The following ANXA2 variants were observed in gnomAD, a reference collection of about 807,000 sequenced individuals.
The protein encoded by ANXA2 is annexin A2.
ANXA2 carries 28 observed loss-of-function variants against 47.3 expected under a neutral mutation model. That is an observed-to-expected ratio of 0.59 (90% CI 0.44 to 0.81). The LOEUF (loss-of-function observed/expected upper bound fraction) is 0.81. Ranked by LOEUF, ANXA2 falls within the 40% of genes least tolerant of loss-of-function variation. The probability of loss-of-function intolerance (pLI) is 0.00; values close to 1 mark genes in which losing one functional copy is unlikely to be tolerated. For synonymous variants in ANXA2, 172 were observed against 155.5 expected (o/e 1.11, Z -0.79); for missense variants, 384 against 414.3 (o/e 0.93, Z 0.64).
At chr15:60,364,654 A>G in intron 3 of ANXA2, 131 bp from the exon 4 acceptor site, 1 of 624,824 alleles carries the variant, frequency 1.6e-6, no homozygotes, top group Admixed American at 3.5e-5. Flanking sequence ...CCCAGACACC[A>G]AGATTTGTTC....
chr15:60,350,361 A>AGCCTG (rs1349768655), intron 11 of ANXA2, among the ~76,000 whole-genome samples: 11 of 152,114 alleles, frequency 7.2e-5, no homozygotes, highest in Admixed American at 5.2e-4. Context: ...TCCATATGTA[A>AGCCTG]CAAGAGGTTC....
intron 3 of ANXA2, among the ~76,000 whole-genome samples, chr15:60,382,023 G>C (rs1274403987): frequency 8.7e-6 from 1 of 114,572 alleles, no homozygotes; most frequent in African/African-American, 3.3e-5. Flanking sequence ...GGAAAGAATG[G>C]AAGGGAGGGA....
chr15:60,375,417 T>A (rs1354513722), intron 3 of ANXA2, among the ~76,000 whole-genome samples: 1 of 152,194 alleles, frequency 6.6e-6, no homozygotes, highest in Non-Finnish European at 1.5e-5. Flanking sequence ...TACAGTCTAT[T>A]TTCTGGAGTC....
chr15:60,387,433 A>G (rs2062948544), intron 1 of ANXA2, among the ~76,000 whole-genome samples: 1 of 152,378 alleles, frequency 6.6e-6, no homozygotes, highest in South Asian at 2.1e-4. Context: ...AAACTGTGGT[A>G]CATTCAGACA....
In ANXA2 at chr15:60,359,983, G is replaced by A. The variant is rs371697573; in HGVS notation, c.357+958C>T. On this transcript the variant is annotated intron_variant, in intron 5 of 12. Transcript: ENST00000451270. The stretch of plus-strand genomic sequence containing the variant: ...ATATAAAACTTGATGTTGGCCAGGC[G>A]CGGTGGCTCACGCCTGTAATCCTAG... Among the ~76,000 whole-genome samples the A allele has an allele frequency of 4.6e-5, 7 of 152,322 alleles. No homozygotes were observed. In the East Asian group the frequency reaches 1.2e-3, roughly 25 times the overall value.
chr15:60,376,236 G>T (rs1215387407), intron 3 of ANXA2, among the ~76,000 whole-genome samples: 1 of 152,118 alleles, frequency 6.6e-6, no homozygotes, highest in Non-Finnish European at 1.5e-5. Flanking sequence ...AAAAAAATTA[G>T]CCGGGCATGG....
chr15:60,371,933 C>T (rs554656094), intron 3 of ANXA2, among the ~76,000 whole-genome samples: 22 of 152,228 alleles, frequency 1.4e-4, no homozygotes, highest in South Asian at 1.2e-3. Flanking sequence ...GGGCGGACCA[C>T]GAGGTCAGGA....
rs563200578 is a variant in ANXA2 at position 60,369,258 on chromosome 15, G to A, written c.149-4735C>T. ...AAAGTGGACGTGTGCCTGGGCTGCT[G>A]TGCATTCATGCCTACCCACACATGC... On this transcript the variant is annotated intron_variant, in intron 3 of 12. Coordinates refer to ENST00000451270, the MANE Select transcript of ANXA2 (RefSeq NM_004039.3). 3.9e-5 allele frequency among the ~76,000 whole-genome samples: 6 copies of A among 152,346 alleles called. No homozygotes were observed. The East Asian group carries it at 7.7e-4, about 20-fold the overall frequency.
At position 60,351,781 on chromosome 15, in the gene ANXA2, A is replaced by G. The variant is rs1299447504; in HGVS notation, c.721T>C (p.Leu241=). 1 of 1,613,790 alleles carries G rather than the reference A, an allele frequency of 6.2e-7. No individual in the cohort carries two copies. Among genetic ancestry groups the G allele is most frequent in the Non-Finnish European group, 8.5e-7 (1 of 1,179,790 alleles). Residue 241 remains leucine, a synonymous_variant, in exon 10 of 13, where the codon TTG becomes CTG. Coordinates refer to ENST00000451270, the MANE Select transcript of ANXA2 (RefSeq NM_004039.3). ...TTAACCTCTTTCCTGATGCTTTCCA[A>G]CATGTCATAAGGGCTGTAACTCTTG... ...RYKSYSPYDM[L]ESIRKEVKGD...
At chr15:60,395,746 C>T (rs2063073055) in intron 1 of ANXA2, 1 of 152,206 alleles carries the variant, frequency 6.6e-6, no homozygotes, top group East Asian at 1.9e-4. Context: ...AGTGAGTCAG[C>T]AATATTTCCT....
At chr15:60,385,252 C>A (rs990678334) in intron 2 of ANXA2, among the ~76,000 whole-genome samples, 1 of 152,072 alleles carries the variant, frequency 6.6e-6, no homozygotes, top group African/African-American at 2.4e-5. Flanking sequence ...AAAATATTTT[C>A]CAGGTGTGAA....
At chr15:60,380,984 G>A (rs1199517077) in intron 3 of ANXA2, among the ~76,000 whole-genome samples, 2 of 151,924 alleles carry the variant, frequency 1.3e-5, no homozygotes, top group Non-Finnish European at 2.9e-5. Flanking sequence ...ACCATAGAAC[G>A]TTAAGCGGGT....
intron 1 of ANXA2, among the ~76,000 whole-genome samples, chr15:60,391,732 TACTC>T (rs1364515555): frequency 3.3e-5 from 5 of 152,200 alleles, no homozygotes; most frequent in Non-Finnish European, 7.3e-5. Flanking sequence ...ATTTCACCTC[TACTC>T]ACTCCTCATC....
chr15:60,357,254 C>A lies in ANXA2; in HGVS notation c.358-18G>T. 1 of 1,605,260 alleles carries A rather than the reference C, an allele frequency of 6.2e-7. No homozygotes were observed. On this transcript the variant is annotated intron_variant, in intron 5 of 12. Transcript: ENST00000451270. ...CCCAGCCCCTGTGAACCAGGAAGCA[C>A]GAACATCAGCAGGGAAATGCTTCCC...
At chr15:60,360,398 A>T (rs2062495875) in intron 5 of ANXA2, among the ~76,000 whole-genome samples, 1 of 152,246 alleles carries the variant, frequency 6.6e-6, no homozygotes. Context: ...CATAAAAGAT[A>T]ACGTGCATTG....
chr15:60,389,906 G>T (rs2062984829), intron 1 of ANXA2, among the ~76,000 whole-genome samples: 1 of 152,008 alleles, frequency 6.6e-6, no homozygotes, highest in African/African-American at 2.4e-5. Flanking sequence ...CACTGCCAGG[G>T]CACTTTTTGA....
intron 1 of ANXA2, among the ~76,000 whole-genome samples, chr15:60,391,751 T>C (rs1474345825): frequency 6.6e-6 from 1 of 152,182 alleles, no homozygotes; most frequent in Admixed American, 6.5e-5. Context: ...CTCATCACCG[T>C]ATAAAACTCA....
intron 1 of ANXA2, chr15:60,390,383 C>T (rs2062992508): frequency 1.4e-6 from 1 of 705,454 alleles, no homozygotes; most frequent in Non-Finnish European, 2.2e-6. Flanking sequence ...GGTGAACATT[C>T]CTAAAACCCA....
intron 3 of ANXA2, among the ~76,000 whole-genome samples, chr15:60,366,655 A>G (rs1595680791): frequency 2.3e-5 from 3 of 129,728 alleles, no homozygotes; most frequent in East Asian, 5.1e-4. Context: ...CCCGGCAGCC[A>G]CCCCGTCCGG....
Sources: gnomAD v4.1 joint callset for allele counts (sites outside exome capture counted in the v4.1 genomes callset) on GRCh38, gnomAD v4.1.1 for gene constraint, MANE v1.5 for transcripts, NCBI Gene and HGNC (gene_info 2026-07-23, HGNC 2026-07-21) for gene names.